The following TAFA2 variants were observed in gnomAD, a reference collection of about 807,000 sequenced individuals.
The protein encoded by TAFA2 is chemokine-like protein TAFA-2.
TAFA2 carries 7 observed loss-of-function variants against 18.8 expected under a neutral mutation model. The ratio of observed to expected loss-of-function variants is 0.37; its 90% CI spans 0.21 to 0.70. TAFA2 has a LOEUF of 0.70. TAFA2 is among the 30% of genes least tolerant of loss of function. The pLI is 0.53. For synonymous variants in TAFA2, 60 were observed against 54.2 expected (o/e 1.11, Z -0.47); for missense variants, 122 against 158.1 (o/e 0.77, Z 1.23).
intron 1 of TAFA2, among the ~76,000 whole-genome samples, chr12:61,960,405 A>G (rs1412124094): frequency 6.6e-6 from 1 of 151,990 alleles, no homozygotes; most frequent in Non-Finnish European, 1.5e-5. Context: ...AATGCCCAAT[A>G]TCTAACACTG....
At chr12:62,145,022 T>C (rs2062270462) in intron 1 of TAFA2, among the ~76,000 whole-genome samples, 1 of 152,230 alleles carries the variant, frequency 6.6e-6, no homozygotes, top group Non-Finnish European at 1.5e-5. Flanking sequence ...GATGTTCCCT[T>C]CAACAATAAT....
chr12:61,796,123 T>C (rs1871178795), intron 2 of TAFA2, among the ~76,000 whole-genome samples: 1 of 152,158 alleles, frequency 6.6e-6, no homozygotes. Flanking sequence ...GATACAATCA[T>C]TCTCCTCCTA....
chr12:61,855,569 A>G (rs1592437408), intron 2 of TAFA2, among the ~76,000 whole-genome samples: 2 of 152,174 alleles, frequency 1.3e-5, no homozygotes, highest in African/African-American at 4.8e-5. Context: ...GTATATTTAT[A>G]TTTCATCTAA....
At chr12:61,918,307 A>T (rs1323843243) in intron 1 of TAFA2, among the ~76,000 whole-genome samples, 1 of 151,664 alleles carries the variant, frequency 6.6e-6, no homozygotes, top group East Asian at 1.9e-4. Context: ...CCCCACCCGC[A>T]CACCCCAACT....
At chr12:61,732,437 G>A (rs1219862397) in intron 4 of TAFA2, among the ~76,000 whole-genome samples, 6 of 152,058 alleles carry the variant, frequency 3.9e-5, no homozygotes, top group Non-Finnish European at 4.4e-5. Flanking sequence ...AGCAGACATG[G>A]TCCTTGCTGT....
At chr12:61,770,502 C>T in intron 2 of TAFA2, among the ~76,000 whole-genome samples, 1 of 151,976 alleles carries the variant, frequency 6.6e-6, no homozygotes, top group Non-Finnish European at 1.5e-5. Flanking sequence ...ATCAGGTAAC[C>T]TGTAAAGCAA....
At chr12:62,021,564 C>T (rs1251571317) in intron 1 of TAFA2, 10 of 794,698 alleles carry the variant, frequency 1.3e-5, no homozygotes, top group Middle Eastern at 3.3e-4. Context: ...CAAGGAGACC[C>T]TGTTACGCTG....
intron 1 of TAFA2, among the ~76,000 whole-genome samples, chr12:61,922,924 C>T (rs1249525936): frequency 1.3e-5 from 2 of 152,190 alleles, no homozygotes; most frequent in Admixed American, 6.5e-5. Context: ...GGGGCATCTA[C>T]TATTCCCGAG....
At chr12:61,721,486 C>T (rs970909556) in intron 4 of TAFA2, among the ~76,000 whole-genome samples, 4 of 152,186 alleles carry the variant, frequency 2.6e-5, no homozygotes, top group African/African-American at 9.6e-5. Flanking sequence ...TAAATGGAAC[C>T]AAGTCACTTA....
chr12:61,967,276 G>C (rs750798478), intron 1 of TAFA2, among the ~76,000 whole-genome samples: 1 of 151,842 alleles, frequency 6.6e-6, no homozygotes, highest in South Asian at 2.1e-4. Context: ...GCTCAGTGGG[G>C]TTGCAGAGAG....
intron 2 of TAFA2, among the ~76,000 whole-genome samples, chr12:61,777,737 G>GA (rs1253366074): frequency 6.6e-6 from 1 of 151,616 alleles, no homozygotes; most frequent in South Asian, 2.1e-4. Flanking sequence ...AAAAATCAGA[G>GA]AAAAATATCT....
intron 1 of TAFA2, among the ~76,000 whole-genome samples, chr12:61,939,166 T>C (rs2121415457): frequency 6.6e-6 from 1 of 152,338 alleles, no homozygotes; most frequent in South Asian, 2.1e-4. Context: ...TTTAAGTTTT[T>C]CAATGGTATC....
chr12:61,938,151 A>G (rs1877848284), intron 1 of TAFA2, among the ~76,000 whole-genome samples: 1 of 151,438 alleles, frequency 6.6e-6, no homozygotes, highest in South Asian at 2.1e-4. Context: ...ATAAAATACA[A>G]TAGATGTTGG....
At chr12:61,875,483 A>C (rs1592452720) in intron 1 of TAFA2, among the ~76,000 whole-genome samples, 1 of 152,266 alleles carries the variant, frequency 6.6e-6, no homozygotes, top group Admixed American at 6.5e-5. Context: ...GAGATTTCAT[A>C]CTGAACCACT....
At chr12:61,793,414 T>G (rs1427684593) in intron 2 of TAFA2, among the ~76,000 whole-genome samples, 6 of 151,386 alleles carry the variant, frequency 4.0e-5, no homozygotes, top group Non-Finnish European at 8.9e-5. Flanking sequence ...AAGAAAAATT[T>G]TAAAAGTGAT....
At chr12:61,768,587 A>G (rs1209501069) in intron 2 of TAFA2, among the ~76,000 whole-genome samples, 1 of 152,142 alleles carries the variant, frequency 6.6e-6, no homozygotes, top group Non-Finnish European at 1.5e-5. Flanking sequence ...TCATGGGAGA[A>G]GGATTTGACC....
intron 1 of TAFA2, among the ~76,000 whole-genome samples, chr12:62,142,797 G>A (rs1258688478): frequency 2.0e-5 from 3 of 152,164 alleles, no homozygotes; most frequent in African/African-American, 7.2e-5. Context: ...TGTCAAAGCA[G>A]TGTGTCACAG....
chr12:62,023,868 T>C (rs185812856), intron 1 of TAFA2: 27 of 152,338 alleles, frequency 1.8e-4, no homozygotes, highest in Admixed American at 1.8e-3. Flanking sequence ...TCTCATTCAA[T>C]GTTTTTCTTC....
intron 1 of TAFA2, among the ~76,000 whole-genome samples, chr12:62,171,678 GC>G (rs1279443288): frequency 1.3e-5 from 2 of 152,146 alleles, no homozygotes; most frequent in African/African-American, 4.8e-5. Context: ...ATCTGTCAGT[GC>G]CTTGATCTTG....
Sources: allele counts gnomAD v4.1 joint callset (sites outside exome capture counted in the v4.1 genomes callset), GRCh38; gene constraint gnomAD v4.1.1; transcripts MANE v1.5; gene names NCBI Gene and HGNC (gene_info 2026-07-23, HGNC 2026-07-21).